UBE2D4: variants seen among roughly 807,000 people sequenced by gnomAD.
UBE2D4 encodes the protein ubiquitin-conjugating enzyme E2 D4.
Under a neutral mutation model 23.0 loss-of-function variants are expected in UBE2D4, and 17 were observed. The ratio of observed to expected loss-of-function variants is 0.74; its 90% CI spans 0.51 to 1.11. UBE2D4 has a LOEUF of 1.11. UBE2D4 is among the 50% of genes least tolerant of loss of function. The probability of loss-of-function intolerance (pLI) is 0.00; values close to 1 mark genes in which losing one functional copy is unlikely to be tolerated. For missense variants in UBE2D4, 139 were observed against 181.8 expected (o/e 0.76, Z 1.35); for synonymous variants, 61 against 69.4 (o/e 0.88, Z 0.60).
At chr7:43,948,867 T>C (rs1442768116) in intron 5 of UBE2D4, 130 bp downstream of exon 5, 2 of 696,172 alleles carry the variant, frequency 2.9e-6, no homozygotes, top group African/African-American at 3.5e-5. Context: ...TCCACTGCTG[T>C]GCCCTTAAGT....
At chr7:43,946,701 A>G (rs1209045341) in intron 4 of UBE2D4, among the ~76,000 whole-genome samples, 1 of 152,194 alleles carries the variant, frequency 6.6e-6, no homozygotes, top group Non-Finnish European at 1.5e-5. Context: ...CCAGTAATCA[A>G]TCTGAAGACA....
In UBE2D4 at chr7:43,944,034, G is replaced by A. The variant is rs903423598; in HGVS notation, c.198+1003G>A. ...TGCCCCAGGGGAGTGAGCCTGTGAG[G>A]AGTTGGGAAGGAGGCCAGAGGGGTA... On this transcript the variant is annotated intron_variant, in intron 4 of 6. Coordinates refer to ENST00000222402, the MANE Select transcript of UBE2D4 (RefSeq NM_015983.4). The surrounding 1 kb of genome is among the most constrained non-coding windows in gnomAD (Gnocchi z 4.0). The A allele has an allele frequency of 2.0e-5, 3 of 152,724 alleles. No homozygotes were observed. The highest frequency in any genetic ancestry group is 7.2e-5 in the African/African-American group (3 of 41,446). 9.5% of individuals were successfully genotyped at this position (152,724 alleles called of 1,614,324 possible). A position where few individuals can be genotyped will look rare whatever the true frequency, so the allele number is the denominator to read the frequency against.
At chr7:43,938,550 C>T (rs1343579724) in intron 2 of UBE2D4, 56 bp downstream of exon 2, 14 of 1,569,748 alleles carry the variant, frequency 8.9e-6, no homozygotes, top group Non-Finnish European at 1.2e-5. Flanking sequence ...GACCCCCCAA[C>T]TTAGGCCAGG....
At chr7:43,928,051 T>A (rs1048605053) in intron 1 of UBE2D4, 1 of 454,324 alleles carries the variant, frequency 2.2e-6, no homozygotes, top group Non-Finnish European at 4.4e-6. Flanking sequence ...CTGCTTCTGG[T>A]GAGGCCTCAG....
intron 2 of UBE2D4, 180 bp from the exon 3 acceptor site, chr7:43,942,646 C>A: frequency 1.3e-6 from 1 of 748,268 alleles, no homozygotes; most frequent in Admixed American, 2.2e-5. Flanking sequence ...TCAGTGAGCT[C>A]TGGGAGTCCT....
chr7:43,938,709 G>A (rs1307384738), intron 2 of UBE2D4, among the ~76,000 whole-genome samples: 3 of 152,198 alleles, frequency 2.0e-5, no homozygotes, highest in African/African-American at 7.2e-5. Flanking sequence ...GCTGGCACAT[G>A]CCTGTAATCC....
At chr7:43,938,544 C>T (rs768779820) in intron 2 of UBE2D4, 50 bp downstream of exon 2, 3 of 1,589,202 alleles carry the variant, frequency 1.9e-6, no homozygotes, top group South Asian at 2.2e-5. Flanking sequence ...AATTAAGACC[C>T]CCCAACTTAG....
At chr7:43,937,635 A>G (rs903229196) in intron 1 of UBE2D4, among the ~76,000 whole-genome samples, 7 of 152,236 alleles carry the variant, frequency 4.6e-5, no homozygotes, top group African/African-American at 1.4e-4. Context: ...TGTGATGTTA[A>G]TACTTCCATC....
chr7:43,934,640 T>TAA (rs1173691726), intron 1 of UBE2D4, among the ~76,000 whole-genome samples: 1 of 53,472 alleles, frequency 1.9e-5, no homozygotes, highest in East Asian at 8.7e-4. Context: ...AAAGCAATTC[T>TAA]TTTTTTTTTT....
intron 1 of UBE2D4, among the ~76,000 whole-genome samples, chr7:43,937,087 C>T (rs1331209995): frequency 6.6e-6 from 1 of 152,182 alleles, no homozygotes. Context: ...CATCACACCT[C>T]TAAAGGGGGA....
At chr7:43,951,431 A>G (rs906166844) in intron 6 of UBE2D4, among the ~76,000 whole-genome samples, 1 of 152,190 alleles carries the variant, frequency 6.6e-6, no homozygotes, top group Non-Finnish European at 1.5e-5. Flanking sequence ...CCTTCAGGGA[A>G]GGTATTGCTA....
At chr7:43,943,062 T>A in intron 4 of UBE2D4, 31 bp downstream of exon 4, 1 of 1,606,520 alleles carries the variant, frequency 6.2e-7, no homozygotes, top group Non-Finnish European at 8.5e-7. Flanking sequence ...CCCCTGATGT[T>A]TGGATGAAGG....
chr7:43,941,795 T>G (rs755596442), intron 2 of UBE2D4: 1 of 152,228 alleles, frequency 6.6e-6, no homozygotes, highest in Non-Finnish European at 1.5e-5. Flanking sequence ...GAATTTAATC[T>G]TGGCTAAGCA....
chr7:43,927,299 CTTT>C (rs71769283), intron 1 of UBE2D4, among the ~76,000 whole-genome samples: 183 of 131,190 alleles, frequency 1.4e-3, no homozygotes, highest in Middle Eastern at 4.0e-3. Context: ...GTATTTATAA[CTTT>C]TTTTTTTTTT....
chr7:43,944,833 G>A lies in UBE2D4; in HGVS notation c.198+1802G>A, dbSNP rs1585877190. 1 of 152,312 alleles carries A rather than the reference G, an allele frequency of 6.6e-6. No homozygotes were observed. The highest frequency in any genetic ancestry group is 2.1e-4 in the South Asian group (1 of 4,832). The allele number at this position is 152,312 out of a possible 1,614,324, so 9.4% of individuals were successfully genotyped here. A position where few individuals can be genotyped will look rare whatever the true frequency, so the allele number is the denominator to read the frequency against. On this transcript the variant is annotated intron_variant, in intron 4 of 6. Transcript: ENST00000222402. This position sits in a 1 kb window ranked among gnomAD's most constrained non-coding sequence, Gnocchi z 4.0. ...AGAGACTGTGGCAGAGTCTTATCAA[G>A]TAGTAATTTTCTAGCTTGTCTCTTT...
chr7:43,950,724 A>G (rs1275988619), intron 6 of UBE2D4, 32 bp downstream of exon 6: 2 of 1,574,028 alleles, frequency 1.3e-6, no homozygotes, highest in African/African-American at 1.3e-5. Context: ...CCTTTGCACC[A>G]TGGCTGCCCC....
intron 4 of UBE2D4, among the ~76,000 whole-genome samples, chr7:43,945,342 G>A (rs925619701): frequency 7.2e-5 from 11 of 152,168 alleles, no homozygotes; most frequent in Non-Finnish European, 1.6e-4. Context: ...TGGGTGAGTT[G>A]GGATTATTTT....
intron 1 of UBE2D4, among the ~76,000 whole-genome samples, chr7:43,932,910 TCTAAAGTG>T (rs1435586575): frequency 1.3e-3 from 1 of 748 alleles, no homozygotes; most frequent in Non-Finnish European, 2.0e-3. Flanking sequence ...TCTCTAGTCA[TCTAAAGTG>T]GGGTCACTTT....
chr7:43,939,796 A>G lies in UBE2D4; in HGVS notation c.88+1302A>G, dbSNP rs534613763. On this transcript the variant is annotated intron_variant, in intron 2 of 6. Coordinates refer to ENST00000222402, the MANE Select transcript of UBE2D4 (RefSeq NM_015983.4). ...GAATATATGATTCCACTTACATGAA[A>G]TATCTAGACTAGGCAAATTCATAGA... Among the ~76,000 whole-genome samples, 10 of 152,330 alleles carry G rather than the reference A, an allele frequency of 6.6e-5. No homozygotes were observed. In the South Asian group the frequency reaches 2.1e-3, roughly 32 times the overall value.
Sources: allele counts gnomAD v4.1 joint callset (sites outside exome capture counted in the v4.1 genomes callset), GRCh38; gene constraint gnomAD v4.1.1; non-coding constraint Gnocchi (gnomAD v3.1); transcripts MANE v1.5; gene names NCBI Gene and HGNC (gene_info 2026-07-23, HGNC 2026-07-21).